The following FRMD5 variants were observed in gnomAD, a reference collection of about 807,000 sequenced individuals.
FRMD5 encodes the protein FERM domain containing 5.
FRMD5 carries 20 observed loss-of-function variants against 69.0 expected under a neutral mutation model. That is an observed-to-expected ratio of 0.29 (90% CI 0.20 to 0.42). The LOEUF (loss-of-function observed/expected upper bound fraction) is 0.42. FRMD5 is among the 10% of genes least tolerant of loss of function. FRMD5 has a pLI of 1.00. For synonymous variants in FRMD5, 271 were observed against 260.1 expected, an observed-to-expected ratio of 1.04 and a Z score of -0.40; for missense variants, 595 against 708.6, an observed-to-expected ratio of 0.84 and a Z score of 1.82.
rs1352236229 is a variant in FRMD5 at position 43,873,927 on chromosome 15, G to A, written c.1671C>T (p.Ala557=). 6.2e-7 allele frequency: 1 copy of A among 1,614,196 alleles called. No homozygotes were observed. Among genetic ancestry groups the A allele is most frequent in the Non-Finnish European group, 8.5e-7 (1 of 1,180,038 alleles). Residue 557 remains alanine (A), a synonymous_variant, in exon 14 of 14, where the codon GCC becomes GCT. Transcript: ENST00000417257. ...GGCTCACCACTGAGCGGATTTTGCA[G>A]GCAAACCATCGCCTGAGGGGACAAA... The part of the protein sequence containing the change: ...QYFCPLRRWF[A]CKIRSVVSLL...
chr15:44,163,758 G>A (rs778969400), intron 1 of FRMD5, among the ~76,000 whole-genome samples: 2 of 152,168 alleles, frequency 1.3e-5, no homozygotes. Flanking sequence ...AACAACTTCT[G>A]CAGGGTCTCA....
At chr15:44,018,998 G>C (rs1023443912) in intron 1 of FRMD5, among the ~76,000 whole-genome samples, 1 of 151,918 alleles carries the variant, frequency 6.6e-6, no homozygotes, top group East Asian at 1.9e-4. Context: ...GGGTTCAAGC[G>C]ATTCTCCTGC....
At chr15:44,080,904 G>A (rs892856978) in intron 1 of FRMD5, among the ~76,000 whole-genome samples, 2 of 152,112 alleles carry the variant, frequency 1.3e-5, no homozygotes, top group African/African-American at 2.4e-5. Context: ...GCAAATGGAA[G>A]GTCAGAGGTT....
At chr15:43,902,348 G>T in intron 6 of FRMD5, 86 bp from the exon 7 acceptor site, 1 of 1,109,828 alleles carries the variant, frequency 9.0e-7, no homozygotes, top group Non-Finnish European at 1.4e-6. Context: ...ATGTGCTTAG[G>T]ATGAGCCACA....
chr15:43,989,746 C>A, intron 1 of FRMD5: 2 of 1,008,980 alleles, frequency 2.0e-6, no homozygotes, highest in Non-Finnish European at 1.6e-6. Context: ...CAGTGGTAGG[C>A]CAGAGGTGTA....
At chr15:44,009,534 C>G (rs1332501049) in intron 1 of FRMD5, among the ~76,000 whole-genome samples, 1 of 152,110 alleles carries the variant, frequency 6.6e-6, no homozygotes, top group Non-Finnish European at 1.5e-5. Context: ...AAAAAATTAG[C>G]TAGGCATGGT....
rs549024359 is a variant in FRMD5, at chr15:44,069,712, G to A, written c.102+125241C>T. Reference sequence around the variant, plus strand: ...CAATAGGAGGGATCATCATGGTGACGGAAATGTTCTACATCCTGACTGCAA... The same window carrying A: ...CAATAGGAGGGATCATCATGGTGACAGAAATGTTCTACATCCTGACTGCAA... On this transcript the variant is annotated intron_variant, in intron 1 of 13. Coordinates refer to ENST00000417257, the MANE Select transcript of FRMD5 (RefSeq NM_032892.5). 3.9e-5 allele frequency among the ~76,000 whole-genome samples: 6 copies of A among 152,194 alleles called. No individual in the cohort carries two copies. In the East Asian group the frequency reaches 9.6e-4, roughly 24 times the overall value.
Position 44,195,000 on chromosome 15 carries a change from A to T in FRMD5, c.55T>A (p.Cys19Ser). ...SSRSLEREYS[C>S]TVRLLDDSEY... ...CTGTCGTCCAGCAGCCGCACGGTGC[A>T]GCTGTACTCGCGCTCCAGGCTCCTG... The change falls in exon 1 of 14, where the codon TGC (cysteine) becomes AGC (serine). Residue 19 changes from cysteine (C) to serine (S), a missense_variant. Transcript: ENST00000417257. 1 of 1,562,264 alleles carries T rather than the reference A, an allele frequency of 6.4e-7. No individual in the cohort carries two copies. Among genetic ancestry groups the T allele is most frequent in the Non-Finnish European group, 8.6e-7 (1 of 1,158,576 alleles).
At chr15:43,926,332 T>C (rs1595526203) in intron 1 of FRMD5, among the ~76,000 whole-genome samples, 1 of 151,984 alleles carries the variant, frequency 6.6e-6, no homozygotes, top group South Asian at 2.1e-4. Context: ...CTCTGGCGGG[T>C]CTATGTCTAA....
intron 1 of FRMD5, among the ~76,000 whole-genome samples, chr15:44,141,193 G>A (rs1193300475): frequency 6.6e-6 from 1 of 151,980 alleles, no homozygotes; most frequent in African/African-American, 2.4e-5. Context: ...AATACTTGAT[G>A]GATAACCACA....
chr15:44,014,017 C>T (rs1008961133), intron 1 of FRMD5, among the ~76,000 whole-genome samples: 36 of 152,070 alleles, frequency 2.4e-4, no homozygotes, highest in Non-Finnish European at 4.3e-4. Context: ...CCACCACGCC[C>T]GGCTAATTTT....
intron 1 of FRMD5, among the ~76,000 whole-genome samples, chr15:43,951,752 G>A (rs1486464098): frequency 6.6e-6 from 1 of 152,154 alleles, no homozygotes; most frequent in Non-Finnish European, 1.5e-5. Flanking sequence ...GTTGTGATGA[G>A]TGATGCTCAG....
At chr15:44,088,888 G>A (rs1894314518) in intron 1 of FRMD5, among the ~76,000 whole-genome samples, 1 of 152,182 alleles carries the variant, frequency 6.6e-6, no homozygotes, top group Non-Finnish European at 1.5e-5. Context: ...CTACAAAGCC[G>A]TAAGACCCTA....
intron 1 of FRMD5, among the ~76,000 whole-genome samples, chr15:44,043,795 A>C (rs1892310676): frequency 6.6e-6 from 1 of 152,222 alleles, no homozygotes; most frequent in Non-Finnish European, 1.5e-5. Context: ...TAAAGACTTA[A>C]ATGTAAGACC....
intron 1 of FRMD5, among the ~76,000 whole-genome samples, chr15:44,118,311 C>T (rs1410682957): frequency 6.6e-6 from 1 of 152,114 alleles, no homozygotes; most frequent in Admixed American, 6.5e-5. Flanking sequence ...ACAAAGACAT[C>T]TTTAAAAGAA....
At chr15:44,034,780 A>G (rs1891835523) in intron 1 of FRMD5, among the ~76,000 whole-genome samples, 1 of 152,150 alleles carries the variant, frequency 6.6e-6, no homozygotes, top group Non-Finnish European at 1.5e-5. Flanking sequence ...TGAGGGGGGA[A>G]GAGAAGAGTT....
chr15:44,137,867 G>A (rs548224902), intron 1 of FRMD5, among the ~76,000 whole-genome samples: 2 of 152,172 alleles, frequency 1.3e-5, no homozygotes, highest in East Asian at 3.9e-4. Context: ...CAGGCACATT[G>A]CTTAAAGCCA....
rs562181577 is a variant in FRMD5, at chr15:44,039,505, C to A, written c.103-115196G>T. ...GGCAGCAATCTTTGCTGTTCTGCAG[C>A]CTCCACTGGTAATACTCAGGCAAAC... On this transcript the variant is annotated intron_variant, in intron 1 of 13. Coordinates refer to ENST00000417257, the MANE Select transcript of FRMD5 (RefSeq NM_032892.5). Among the ~76,000 whole-genome samples, 4 of 152,324 alleles carry A rather than the reference C, an allele frequency of 2.6e-5. No homozygotes were observed. The South Asian group carries it at 8.3e-4, about 32-fold the overall frequency.
chr15:44,114,517 T>G (rs1053512126), intron 1 of FRMD5, among the ~76,000 whole-genome samples: 2 of 152,218 alleles, frequency 1.3e-5, no homozygotes, highest in African/African-American at 4.8e-5. Flanking sequence ...CTGACTTCTC[T>G]ATTGACTCCT....
Sources: gnomAD v4.1 joint callset for allele counts (sites outside exome capture counted in the v4.1 genomes callset) on GRCh38, gnomAD v4.1.1 for gene constraint, MANE v1.5 for transcripts, NCBI Gene and HGNC (gene_info 2026-07-23, HGNC 2026-07-21) for gene names.